Variants in SERINC5 observed in about 807,000 individuals in gnomAD.
SERINC5 encodes serine incorporator 5, also known as chromosome 5 open reading frame 12.
SERINC5 carries 41 observed loss-of-function variants against 63.1 expected under a neutral mutation model. That is an observed-to-expected ratio of 0.65 (90% CI 0.51 to 0.84). SERINC5 has a LOEUF of 0.84. Among genes scored for constraint, SERINC5 ranks in the 40% least tolerant of loss-of-function variants. The probability of loss-of-function intolerance (pLI) is 0.00; values close to 1 mark genes in which losing one functional copy is unlikely to be tolerated. For missense variants in SERINC5, 523 were observed against 573.0 expected, an observed-to-expected ratio of 0.91 and a Z score of 0.89; for synonymous variants, 222 against 215.2, an observed-to-expected ratio of 1.03 and a Z score of -0.28.
chr5:80,198,722 C>T (rs1749652529), intron 2 of SERINC5: 1 of 985,172 alleles, frequency 1.0e-6, no homozygotes, highest in Non-Finnish European at 1.2e-6. Context: ...ATGAGGTCAG[C>T]CTCTCTTCTG....
At chr5:80,137,537 G>A (rs576124830), downstream of SERINC5, among the ~76,000 whole-genome samples, 13 of 151,642 alleles carry the variant, frequency 8.6e-5, no homozygotes, top group East Asian at 2.5e-3. Context: ...TGCTACTCGG[G>A]AGGCTGAGGC....
rs1745629550 is a variant in SERINC5 at position 80,143,454 on chromosome 5, T to C, written c.*209A>G. ...ATATTTCAACCATGATCAGTTTGGT[T>C]GAAAATTTCAATTCCTTTGGGACAA... On this transcript the variant is annotated 3_prime_UTR_variant, in exon 12 of 12. Transcript: ENST00000507668. 2.3e-6 allele frequency: 3 copies of C among 1,324,078 alleles called. No individual in the cohort carries two copies. The highest frequency in any genetic ancestry group is 1.9e-6 in the Non-Finnish European group (2 of 1,039,046). 82.0% of individuals were successfully genotyped at this position (1,324,078 alleles called of 1,614,324 possible).
chr5:80,170,770 C>T (rs746068362), intron 5 of SERINC5, among the ~76,000 whole-genome samples: 3 of 152,144 alleles, frequency 2.0e-5, no homozygotes, highest in Admixed American at 2.0e-4. Context: ...AATCCCAGCA[C>T]TTTGAGAGGC....
chr5:80,153,983 C>A (rs114044177), intron 8 of SERINC5, among the ~76,000 whole-genome samples: 1 of 152,126 alleles, frequency 6.6e-6, no homozygotes, highest in South Asian at 2.1e-4. Context: ...CTAAATAACA[C>A]GTCCAAACTT....
At position 80,116,627 on chromosome 5, in the gene SERINC5, A is replaced by ATTT. The variant is rs532773922; in HGVS notation, c.1239-3003_1239-3002insAAA. Among the ~76,000 whole-genome samples the ATTT allele has an allele frequency of 1.4e-4, 22 of 152,120 alleles. 1 individual carries two copies. The East Asian group carries it at 4.3e-3, about 29-fold the overall frequency. On this transcript the variant is annotated intron_variant, in intron 11 of 12. Coordinates refer to the SERINC5 transcript ENST00000509193. ...GCATACCTACCAAGAGGATGACATA[A>ATTT]ATGCCTCCTGTGGCCCTGAGATAGG...
At chr5:80,186,739 G>A (rs1440937142) in intron 2 of SERINC5, among the ~76,000 whole-genome samples, 1 of 152,162 alleles carries the variant, frequency 6.6e-6, no homozygotes, top group Non-Finnish European at 1.5e-5. Flanking sequence ...AGGTCTAATT[G>A]GCCAGGGGCC....
chr5:80,178,689 C>A (rs1191082985), intron 2 of SERINC5, among the ~76,000 whole-genome samples: 3 of 151,402 alleles, frequency 2.0e-5, no homozygotes, highest in Admixed American at 1.3e-4. Context: ...GGCCTAAAAT[C>A]CCATTTCAAT....
At chr5:80,186,130 A>G (rs1434758927) in intron 2 of SERINC5, among the ~76,000 whole-genome samples, 1 of 51,660 alleles carries the variant, frequency 1.9e-5, no homozygotes, top group Non-Finnish European at 3.5e-5. Flanking sequence ...TGTTTTGAAA[A>G]AAAAAAAAAA....
At chr5:80,244,520 C>CT (rs774638221) in intron 1 of SERINC5, among the ~76,000 whole-genome samples, 3 of 151,018 alleles carry the variant, frequency 2.0e-5, no homozygotes, top group East Asian at 2.0e-4. Context: ...TGGCCTTACT[C>CT]TTTTTTTTAT....
downstream of SERINC5, among the ~76,000 whole-genome samples, chr5:80,137,316 T>C (rs540549791): frequency 3.3e-5 from 5 of 152,026 alleles, no homozygotes; most frequent in South Asian, 4.2e-4. Flanking sequence ...GGCCAAGATA[T>C]AGAATCAGCC....
intron 7 of SERINC5, 47 bp from the exon 8 acceptor site, chr5:80,159,009 T>A: frequency 6.2e-7 from 1 of 1,607,402 alleles, no homozygotes. Context: ...CAAAGGCCAG[T>A]TGTAACGCAC....
intron 2 of SERINC5, among the ~76,000 whole-genome samples, chr5:80,182,121 A>C (rs2112431046): frequency 6.6e-6 from 1 of 152,308 alleles, no homozygotes; most frequent in South Asian, 2.1e-4. Context: ...TGAGTGGATG[A>C]GAAGTACTAA....
At chr5:80,143,985 T>C (rs927626177) in intron 11 of SERINC5, 175 bp from the exon 12 acceptor site, 1 of 755,290 alleles carries the variant, frequency 1.3e-6, no homozygotes, top group East Asian at 2.8e-5. Context: ...CCAAAAGAAA[T>C]CATGCACCCC....
intron 2 of SERINC5, among the ~76,000 whole-genome samples, chr5:80,179,439 C>G (rs778494627): frequency 6.6e-6 from 1 of 152,178 alleles, no homozygotes; most frequent in African/African-American, 2.4e-5. Context: ...TCACACTGAT[C>G]TTAATTTTTT....
intron 2 of SERINC5, among the ~76,000 whole-genome samples, chr5:80,194,540 T>C (rs572944037): frequency 6.6e-5 from 10 of 152,322 alleles, no homozygotes; most frequent in Non-Finnish European, 1.0e-4. Context: ...GTAAAGCCAC[T>C]GAATAAATAA....
At chr5:80,200,273 C>T (rs974299128) in intron 2 of SERINC5, among the ~76,000 whole-genome samples, 3 of 149,822 alleles carry the variant, frequency 2.0e-5, no homozygotes, top group African/African-American at 4.9e-5. Context: ...GTCAGGAGAT[C>T]GAGACCATCC....
chr5:80,196,103 G>A (rs561051499), intron 2 of SERINC5, among the ~76,000 whole-genome samples: 9 of 152,228 alleles, frequency 5.9e-5, no homozygotes, highest in African/African-American at 2.2e-4. Context: ...CCTGTCTGGG[G>A]AAAAGTATGC....
At chr5:80,162,908 G>A (rs1747037683) in intron 7 of SERINC5, among the ~76,000 whole-genome samples, 1 of 151,002 alleles carries the variant, frequency 6.6e-6, no homozygotes, top group South Asian at 2.1e-4. Context: ...GTGCTGTAGT[G>A]CGATCTTGGC....
intron 5 of SERINC5, among the ~76,000 whole-genome samples, chr5:80,170,533 G>C (rs981160666): frequency 6.6e-6 from 1 of 152,126 alleles, no homozygotes; most frequent in Non-Finnish European, 1.5e-5. Context: ...CTCTCCATTT[G>C]GTGTAATGAG....
Sources: allele counts gnomAD v4.1 joint callset (sites outside exome capture counted in the v4.1 genomes callset), GRCh38; gene constraint gnomAD v4.1.1; transcripts MANE v1.5; gene names NCBI Gene and HGNC (gene_info 2026-07-23, HGNC 2026-07-21).